LUC7L: variants seen among roughly 807,000 people sequenced by gnomAD.
The protein encoded by LUC7L is putative RNA-binding protein Luc7-like 1.
Under a neutral mutation model 51.1 loss-of-function variants are expected in LUC7L, and 29 were observed. The ratio of observed to expected loss-of-function variants is 0.57; its 90% CI spans 0.42 to 0.77. LUC7L has a LOEUF of 0.77. Ranked by LOEUF, LUC7L falls within the 30% of genes least tolerant of loss-of-function variation. The pLI is 0.00. For synonymous variants in LUC7L, 181 were observed against 180.7 expected (o/e 1.00, Z -0.01); for missense variants, 403 against 511.9 (o/e 0.79, Z 2.05).
rs577344594 is a variant in LUC7L at position 216,135 on chromosome 16, G to C, written c.255+4514C>G. ...TCCTGCCTCAGCCTCCCGAGTAGCTGGGATTATAGGTGCCCAGCACCACGC... is the reference window on the plus strand; with the variant it reads ...TCCTGCCTCAGCCTCCCGAGTAGCTCGGATTATAGGTGCCCAGCACCACGC... On this transcript the variant is annotated intron_variant, in intron 3 of 9. Coordinates refer to ENST00000293872, the MANE Select transcript of LUC7L (RefSeq NM_201412.3). Among the ~76,000 whole-genome samples, 4 of 152,068 alleles carry C rather than the reference G, an allele frequency of 2.6e-5. No homozygotes were observed. The East Asian group carries it at 7.8e-4, about 30-fold the overall frequency.
intron 3 of LUC7L, among the ~76,000 whole-genome samples, chr16:211,117 C>T (rs117064493): frequency 0.02 from 3,032 of 149,828 alleles, 50 homozygotes; most frequent in Non-Finnish European, 0.031. Flanking sequence ...AATCCCAACA[C>T]TTTGGGAGTC....
chr16:212,719 T>C (rs191224351), intron 3 of LUC7L, among the ~76,000 whole-genome samples: 13 of 152,246 alleles, frequency 8.5e-5, no homozygotes, highest in Non-Finnish European at 1.3e-4. Flanking sequence ...TTAATTACAC[T>C]TTTGGTGAAT....
At chr16:191,830 C>T (rs926578074) in intron 7 of LUC7L, among the ~76,000 whole-genome samples, 3 of 152,104 alleles carry the variant, frequency 2.0e-5, no homozygotes, top group Non-Finnish European at 4.4e-5. Context: ...GGTGACAGAG[C>T]GAGACCCTGT....
chr16:216,346 C>T (rs982320241), intron 3 of LUC7L, among the ~76,000 whole-genome samples: 1 of 151,022 alleles, frequency 6.6e-6, no homozygotes, highest in Non-Finnish European at 1.5e-5. Flanking sequence ...TTTTTCTTTT[C>T]CACATGCTTA....
At chr16:208,694 A>T (rs779187875) in intron 3 of LUC7L, 1 of 916,214 alleles carries the variant, frequency 1.1e-6, no homozygotes, top group African/African-American at 1.8e-5. Context: ...AACAAATATT[A>T]CTGAGAGCTA....
At position 212,005 on chromosome 16, in the gene LUC7L, G is replaced by A. The variant is rs748685535; in HGVS notation, c.256-3817C>T. Among the ~76,000 whole-genome samples the A allele has an allele frequency of 2.6e-5, 4 of 152,200 alleles. No individual in the cohort carries two copies. The South Asian group carries it at 6.2e-4, about 24-fold the overall frequency. On this transcript the variant is annotated intron_variant, in intron 3 of 9. Coordinates refer to ENST00000293872, the MANE Select transcript of LUC7L (RefSeq NM_201412.3). ...GTGCGCTAAACACCTCCAAAGAGCCGCAGAGGGGCCGGGCGCGGTGGCTCA... is the reference window on the plus strand; with the variant it reads ...GTGCGCTAAACACCTCCAAAGAGCCACAGAGGGGCCGGGCGCGGTGGCTCA...
chr16:222,189 C>T (rs781538395), intron 2 of LUC7L, among the ~76,000 whole-genome samples: 5 of 150,340 alleles, frequency 3.3e-5, no homozygotes, highest in Non-Finnish European at 7.4e-5. Flanking sequence ...ACACCTTCTG[C>T]CTCTCGCCAT....
chr16:212,139 C>A (rs773689959), intron 3 of LUC7L, among the ~76,000 whole-genome samples: 1 of 152,086 alleles, frequency 6.6e-6, no homozygotes, highest in Non-Finnish European at 1.5e-5. Context: ...ACTAAAAATA[C>A]AAAATTACCC....
intron 1 of LUC7L, chr16:228,720 G>C: frequency 8.2e-7 from 1 of 1,221,340 alleles, no homozygotes; most frequent in Non-Finnish European, 1.0e-6. Context: ...GTCAAGCGCT[G>C]GCTACACAGA....
chr16:200,382 C>A (rs1192143999), intron 5 of LUC7L, among the ~76,000 whole-genome samples: 1 of 150,494 alleles, frequency 6.6e-6, no homozygotes, highest in Admixed American at 6.7e-5. Context: ...CAAGATCATG[C>A]CACTGGGCGA....
At chr16:195,777 G>A (rs931231450) in intron 6 of LUC7L, among the ~76,000 whole-genome samples, 1 of 152,068 alleles carries the variant, frequency 6.6e-6, no homozygotes, top group African/African-American at 2.4e-5. Flanking sequence ...AGTGGCTCAT[G>A]TGTAATCCCA....
chr16:229,128 G>T (rs910142501), intron 1 of LUC7L, 151 bp downstream of exon 1: 1 of 1,405,466 alleles, frequency 7.1e-7, no homozygotes, highest in Non-Finnish European at 9.2e-7. Context: ...CTTAGACAAA[G>T]GCCCGGCGCC....
rs74527341 is a variant in LUC7L at position 229,146 on chromosome 16, G to T, written c.61+133C>A. 3,770 of 1,413,030 alleles carry T rather than the reference G, an allele frequency of 2.7e-3. 111 individuals are homozygous for T. In the African/African-American group the frequency reaches 0.051, roughly 19 times the overall value. 87.5% of individuals were successfully genotyped at this position (1,413,030 alleles called of 1,614,324 possible). On this transcript the variant is annotated intron_variant, in intron 1 of 9. Coordinates refer to ENST00000293872, the MANE Select transcript of LUC7L (RefSeq NM_201412.3). ...AGACAAAGGCCCGGCGCCTGCGGTC[G>T]GAGCGCGGGGGAGGAGGAGCGATGC... is the stretch of plus-strand genomic sequence containing the variant.
At chr16:228,667 GAT>G in intron 1 of LUC7L, 2 of 1,183,096 alleles carry the variant, frequency 1.7e-6, no homozygotes, top group Non-Finnish European at 2.1e-6. Context: ...CAACCATCAT[GAT>G]CTTGAGCTCC....
At chr16:189,379 C>T (rs771381686) in intron 9 of LUC7L, 40 bp from the exon 10 acceptor site, 3 of 1,576,898 alleles carry the variant, frequency 1.9e-6, no homozygotes, top group South Asian at 1.2e-5. Context: ...AGGCTGCTGC[C>T]CCCCTTCTGC....
At chr16:221,994 G>C (rs2049982823) in intron 2 of LUC7L, among the ~76,000 whole-genome samples, 1 of 152,154 alleles carries the variant, frequency 6.6e-6, no homozygotes, top group East Asian at 1.9e-4. Context: ...GGACATCTAA[G>C]TGAGGACAGA....
At chr16:200,232 C>CT (rs1455827022) in intron 5 of LUC7L, among the ~76,000 whole-genome samples, 5 of 151,868 alleles carry the variant, frequency 3.3e-5, no homozygotes, top group African/African-American at 1.2e-4. Context: ...ACCATCCTGG[C>CT]TAACACGGTG....
intron 6 of LUC7L, among the ~76,000 whole-genome samples, chr16:198,422 G>A (rs893070339): frequency 3.3e-5 from 5 of 151,994 alleles, no homozygotes; most frequent in African/African-American, 1.2e-4. Flanking sequence ...TGGCTCATAG[G>A]CAAGGAGCCA....
chr16:223,332 G>A (rs1393078201), intron 2 of LUC7L, among the ~76,000 whole-genome samples: 2 of 152,048 alleles, frequency 1.3e-5, no homozygotes, highest in African/African-American at 4.8e-5. Flanking sequence ...CTGAGCGACA[G>A]AGCGAGACTC....
Sources: gnomAD v4.1 joint callset for allele counts (sites outside exome capture counted in the v4.1 genomes callset) on GRCh38, gnomAD v4.1.1 for gene constraint, MANE v1.5 for transcripts, NCBI Gene and HGNC (gene_info 2026-07-23, HGNC 2026-07-21) for gene names.